FMN1: variants seen among roughly 807,000 people sequenced by gnomAD.
FMN1 encodes formin 1, also known as formin-1.
A neutral mutation model predicts 132.4 loss-of-function variants in FMN1; 110 were observed. The observed-to-expected ratio is 0.83, with a 90% CI of 0.71 to 0.97. FMN1 has a LOEUF of 0.97. Ranked by LOEUF, FMN1 falls within the 50% of genes least tolerant of loss-of-function variation. The pLI is 0.00. For missense variants in FMN1, 1,792 were observed against 1,705.3 expected (o/e 1.05, Z -0.90); for synonymous variants, 722 against 651.7 (o/e 1.11, Z -1.64).
chr15:32,960,724 G>C (rs147487061), intron 9 of FMN1, among the ~76,000 whole-genome samples: 1 of 151,984 alleles, frequency 6.6e-6, no homozygotes, highest in African/African-American at 2.4e-5. Flanking sequence ...AGCCTGGCAC[G>C]GTGGCTCACG....
chr15:33,089,666 A>C (rs2141363151), intron 4 of FMN1, among the ~76,000 whole-genome samples: 1 of 152,310 alleles, frequency 6.6e-6, no homozygotes, highest in East Asian at 1.9e-4. Flanking sequence ...TCTCATTTTA[A>C]ATGGGGAAAC....
intron 9 of FMN1, among the ~76,000 whole-genome samples, chr15:32,929,351 T>A (rs2061045690): frequency 6.6e-6 from 1 of 152,248 alleles, no homozygotes; most frequent in East Asian, 1.9e-4. Flanking sequence ...CACAGAATGA[T>A]ATGTCCTAAA....
At chr15:32,778,643 GAAGA>G (rs1490266781) in intron 19 of FMN1, among the ~76,000 whole-genome samples, 3 of 152,042 alleles carry the variant, frequency 2.0e-5, no homozygotes, top group Admixed American at 1.3e-4. Context: ...AATCAGAAAG[GAAGA>G]CAGTAACAAG....
chr15:33,167,567 G>A (rs1965158507), intron 3 of FMN1, among the ~76,000 whole-genome samples: 1 of 152,094 alleles, frequency 6.6e-6, no homozygotes, highest in Non-Finnish European at 1.5e-5. Flanking sequence ...ACCAAAGCAG[G>A]GGTTGGGGTG....
chr15:33,158,927 C>G (rs749837893), intron 3 of FMN1, among the ~76,000 whole-genome samples: 1 of 152,170 alleles, frequency 6.6e-6, no homozygotes, highest in Non-Finnish European at 1.5e-5. Flanking sequence ...TGCCTCATGA[C>G]TATAATCCCA....
intron 16 of FMN1, among the ~76,000 whole-genome samples, chr15:32,878,146 G>A (rs1415478192): frequency 2.0e-5 from 3 of 152,208 alleles, no homozygotes; most frequent in African/African-American, 7.2e-5. Context: ...TCTGGCAGAA[G>A]GGCTTTCTAG....
At chr15:32,817,004 G>A (rs566036628) in intron 17 of FMN1, among the ~76,000 whole-genome samples, 4 of 152,246 alleles carry the variant, frequency 2.6e-5, no homozygotes, top group South Asian at 2.1e-4. Flanking sequence ...TAAGACTGAC[G>A]TTAACTAAAG....
At chr15:32,950,736 G>T (rs1167263580) in intron 9 of FMN1, among the ~76,000 whole-genome samples, 2 of 152,010 alleles carry the variant, frequency 1.3e-5, no homozygotes, top group African/African-American at 2.4e-5. Context: ...ATAACCAATG[G>T]GTACTAGGCT....
At chr15:33,169,908 A>G (rs1294632690) in intron 3 of FMN1, among the ~76,000 whole-genome samples, 3 of 152,080 alleles carry the variant, frequency 2.0e-5, no homozygotes, top group Non-Finnish European at 4.4e-5. Flanking sequence ...TTGCATAACA[A>G]ATCACTTTTC....
chr15:33,123,501 T>C (rs2140184999), intron 4 of FMN1, among the ~76,000 whole-genome samples: 1 of 152,318 alleles, frequency 6.6e-6, no homozygotes, highest in South Asian at 2.1e-4. Context: ...TATTAAGTAA[T>C]AAATATGTCC....
intron 15 of FMN1, among the ~76,000 whole-genome samples, chr15:32,897,619 A>G (rs2141571708): frequency 6.6e-6 from 1 of 152,338 alleles, no homozygotes; most frequent in African/African-American, 2.4e-5. Flanking sequence ...AGGTTGTAAA[A>G]GATTGGAATT....
Position 32,773,860 on chromosome 15 carries a change from C to T in FMN1, c.*450G>A, listed in dbSNP as rs1203397777. ...GGATTTTGCTGCAACAGGATCAAAA[C>T]TAAGACCAATAATCAAAACAGCAGT... On this transcript the variant is annotated 3_prime_UTR_variant, in exon 21 of 21. Coordinates refer to ENST00000616417, the MANE Select transcript of FMN1 (RefSeq NM_001277313.2). 1 of 168,128 alleles carries T rather than the reference C, an allele frequency of 5.9e-6. No individual in the cohort carries two copies. The highest frequency in any genetic ancestry group is 1.3e-5 in the Non-Finnish European group (1 of 79,960). The allele number at this position is 168,128 out of a possible 1,614,324, so 10.4% of individuals were successfully genotyped here. A position where few individuals can be genotyped will look rare whatever the true frequency, so the allele number is the denominator to read the frequency against.
At chr15:32,886,544 C>T (rs190952396) in intron 16 of FMN1, among the ~76,000 whole-genome samples, 1 of 152,286 alleles carries the variant, frequency 6.6e-6, no homozygotes, top group East Asian at 1.9e-4. Flanking sequence ...CCAGTTCACT[C>T]CTCTTATCCT....
intron 7 of FMN1, among the ~76,000 whole-genome samples, chr15:32,992,504 A>C (rs774716899): frequency 1.3e-5 from 2 of 152,200 alleles, no homozygotes; most frequent in Non-Finnish European, 2.9e-5. Flanking sequence ...AAAGATGCCC[A>C]ATTTATTCAT....
At chr15:32,799,651 C>G (rs1196711432) in intron 18 of FMN1, among the ~76,000 whole-genome samples, 4 of 152,198 alleles carry the variant, frequency 2.6e-5, no homozygotes, top group African/African-American at 9.6e-5. Flanking sequence ...GATCTCCAGT[C>G]TGGTCAGTAA....
At chr15:32,962,105 T>TTTATTATTATTATTATTATTATTATTA (rs10645453) in intron 9 of FMN1, among the ~76,000 whole-genome samples, 1 of 150,760 alleles carries the variant, frequency 6.6e-6, no homozygotes, top group Admixed American at 6.6e-5. Context: ...AGGGCAAGGA[T>TTTATTATTATTATTATTATTATTATTA]TTATTATTAT....
At chr15:33,000,013 T>C (rs1435764408) in intron 7 of FMN1, among the ~76,000 whole-genome samples, 1 of 152,128 alleles carries the variant, frequency 6.6e-6, no homozygotes, top group East Asian at 1.9e-4. Flanking sequence ...GAGTGACACA[T>C]CTGAGAAGAC....
intron 9 of FMN1, among the ~76,000 whole-genome samples, chr15:32,950,316 C>T (rs527245052): frequency 1.3e-5 from 2 of 151,686 alleles, no homozygotes; most frequent in African/African-American, 4.8e-5. Context: ...TGCCATTAGA[C>T]CCAGCAATCC....
At chr15:33,116,291 G>C (rs1340250794) in intron 4 of FMN1, among the ~76,000 whole-genome samples, 1 of 152,112 alleles carries the variant, frequency 6.6e-6, no homozygotes, top group Non-Finnish European at 1.5e-5. Context: ...AAGTATCCTT[G>C]GTTCACATTA....
Sources: allele counts gnomAD v4.1 joint callset (sites outside exome capture counted in the v4.1 genomes callset), GRCh38; gene constraint gnomAD v4.1.1; transcripts MANE v1.5; gene names NCBI Gene and HGNC (gene_info 2026-07-23, HGNC 2026-07-21).